ZNF469: variants seen among roughly 807,000 people sequenced by gnomAD.
ZNF469 encodes zinc finger protein 469.
ZNF469 carries 1 observed loss-of-function variant against 1.0 expected under a neutral mutation model. The ratio of observed to expected loss-of-function variants is 1.00; its 90% CI spans 0.35 to 4.73. The LOEUF is 4.73. Ranked by LOEUF, ZNF469 falls within the 30% of genes most tolerant of loss-of-function variation. ZNF469 has a pLI of 0.16. For synonymous variants in ZNF469, 2,703 were observed against 2,363.4 expected (o/e 1.14, Z -4.17); for missense variants, 6,100 against 5,356.3 (o/e 1.14, Z -4.33).
chr16:88,324,459 T>G, the ZNF469 span, among the ~76,000 whole-genome samples: 3 of 152,146 alleles, frequency 2.0e-5, no homozygotes, highest in Non-Finnish European at 2.9e-5. Context: ...TGCTGTCCTC[T>G]CCTATGGCTG....
the ZNF469 span, among the ~76,000 whole-genome samples, chr16:88,163,066 T>A: frequency 6.7e-6 from 1 of 149,616 alleles, no homozygotes. Flanking sequence ...GGTAGATGGA[T>A]GGATGGATGG....
At chr16:88,355,192 C>T in the ZNF469 span, among the ~76,000 whole-genome samples, 1 of 152,214 alleles carries the variant, frequency 6.6e-6, no homozygotes, top group Non-Finnish European at 1.5e-5. Flanking sequence ...GAGACTATCA[C>T]GCCCCCTCCC....
At chr16:88,356,720 C>T in the ZNF469 span, among the ~76,000 whole-genome samples, 2 of 152,158 alleles carry the variant, frequency 1.3e-5, no homozygotes, top group Admixed American at 6.5e-5. Flanking sequence ...TCCGTCGTTC[C>T]GTGACCTTGA....
chr16:88,183,313 G>A, the ZNF469 span, among the ~76,000 whole-genome samples: 1 of 152,172 alleles, frequency 6.6e-6, no homozygotes, highest in South Asian at 2.1e-4. Context: ...ACTCTCAAAA[G>A]AAATGAAACT....
chr16:88,422,593 T>A (rs1374201899), intron 1 of ZNF469, among the ~76,000 whole-genome samples: 2 of 127,724 alleles, frequency 1.6e-5, no homozygotes, highest in African/African-American at 6.1e-5. Flanking sequence ...GGGTGGATGA[T>A]TGGGTGGAAG....
chr16:88,169,279 T>C, the ZNF469 span, among the ~76,000 whole-genome samples: 1 of 152,210 alleles, frequency 6.6e-6, no homozygotes, highest in Non-Finnish European at 1.5e-5. This position sits in a 1 kb window ranked among gnomAD's most constrained non-coding sequence, Gnocchi z 6.1. Flanking sequence ...CACTTTCAAT[T>C]GCTGCTCTCT....
chr16:88,363,694 C>T, the ZNF469 span, among the ~76,000 whole-genome samples: 25 of 152,330 alleles, frequency 1.6e-4, no homozygotes, highest in African/African-American at 5.1e-4. Context: ...AGCTGTCCCA[C>T]GTGGCAGACA....
chr16:88,282,314 G>C, the ZNF469 span, among the ~76,000 whole-genome samples: 1 of 152,204 alleles, frequency 6.6e-6, no homozygotes. Context: ...GTTCCAGGGT[G>C]AAAAGTGGGG....
At chr16:88,253,034 G>T in the ZNF469 span, among the ~76,000 whole-genome samples, 11 of 152,238 alleles carry the variant, frequency 7.2e-5, no homozygotes, top group African/African-American at 2.6e-4. Flanking sequence ...TATTTCAGTG[G>T]CTCATTGCTT....
chr16:88,254,889 G>T, the ZNF469 span, among the ~76,000 whole-genome samples: 1 of 151,798 alleles, frequency 6.6e-6, no homozygotes, highest in African/African-American at 2.4e-5. Context: ...TGAGATTACA[G>T]ATAAATTTTG....
chr16:88,293,724 C>A, the ZNF469 span, among the ~76,000 whole-genome samples: 1 of 152,172 alleles, frequency 6.6e-6, no homozygotes, highest in African/African-American at 2.4e-5. Flanking sequence ...CTTCTGTGAT[C>A]CTATAGGGAG....
chr16:88,109,189 C>T, the ZNF469 span, among the ~76,000 whole-genome samples: 1 of 152,208 alleles, frequency 6.6e-6, no homozygotes, highest in Admixed American at 6.5e-5. Context: ...GACTGGTCCT[C>T]ATGTTTCCAT....
the ZNF469 span, among the ~76,000 whole-genome samples, chr16:88,129,147 C>G: frequency 6.6e-6 from 1 of 152,378 alleles, no homozygotes; most frequent in South Asian, 2.1e-4. Context: ...TTCATTCCAA[C>G]TGGAGCTCAT....
chr16:88,385,642 CAAA>C (rs66861611), intron 1 of ZNF469, among the ~76,000 whole-genome samples: 1 of 133,186 alleles, frequency 7.5e-6, no homozygotes, highest in African/African-American at 2.8e-5. Context: ...GACTCTGTCT[CAAA>C]AAAAAAAAAA....
At chr16:88,412,097 C>T (rs887352239) in intron 1 of ZNF469, among the ~76,000 whole-genome samples, 4 of 152,216 alleles carry the variant, frequency 2.6e-5, no homozygotes, top group Non-Finnish European at 5.9e-5. Flanking sequence ...TCCGGAGAGG[C>T]AGTTGGGGAG....
the ZNF469 span, among the ~76,000 whole-genome samples, chr16:88,308,060 C>A: frequency 6.6e-6 from 1 of 152,184 alleles, no homozygotes; most frequent in Non-Finnish European, 1.5e-5. Flanking sequence ...CATGGATATC[C>A]ACTAGGCCCA....
chr16:88,341,378 TCA>T, the ZNF469 span, among the ~76,000 whole-genome samples: 1 of 152,096 alleles, frequency 6.6e-6, no homozygotes, highest in African/African-American at 2.4e-5. Context: ...CTGCTGGGAC[TCA>T]GTTGCCCCTG....
chr16:88,401,519 A>AGGGATGGATGGT (rs1904856112), intron 1 of ZNF469, among the ~76,000 whole-genome samples: 1 of 106,428 alleles, frequency 9.4e-6, no homozygotes, highest in Non-Finnish European at 2.3e-5. Context: ...GGGTGAGTGG[A>AGGGATGGATGGT]TGGATGGATG....
At chr16:88,170,781 T>C in the ZNF469 span, among the ~76,000 whole-genome samples, 1 of 152,178 alleles carries the variant, frequency 6.6e-6, no homozygotes, top group South Asian at 2.1e-4. The surrounding 1 kb of genome is among the most constrained non-coding windows in gnomAD (Gnocchi z 4.2). Flanking sequence ...TAGGTACCCG[T>C]TGATGGGGTT....
Sources: gnomAD v4.1 joint callset for allele counts (sites outside exome capture counted in the v4.1 genomes callset) on GRCh38, gnomAD v4.1.1 for gene constraint, Gnocchi (gnomAD v3.1) non-coding constraint, MANE v1.5 for transcripts, NCBI Gene and HGNC (gene_info 2026-07-23, HGNC 2026-07-21) for gene names.